The following CTNNA2 variants were observed in gnomAD, a reference collection of about 807,000 sequenced individuals.
The protein encoded by CTNNA2 is catenin alpha 2.
A neutral mutation model predicts 101.0 loss-of-function variants in CTNNA2; 42 were observed. That is an observed-to-expected ratio of 0.42 (90% confidence interval 0.32 to 0.54). The LOEUF is 0.54. Among genes scored for constraint, CTNNA2 ranks in the 20% least tolerant of loss-of-function variants. The pLI is 0.14. For missense variants in CTNNA2, 871 were observed against 1,223.1 expected (o/e 0.71, Z 4.29); for synonymous variants, 450 against 456.4 (o/e 0.99, Z 0.18).
intron 11 of CTNNA2, among the ~76,000 whole-genome samples, chr2:80,549,860 CT>C (rs1692417368): frequency 6.6e-6 from 1 of 152,138 alleles, no homozygotes; most frequent in Non-Finnish European, 1.5e-5. Context: ...TGTATTCTGC[CT>C]TTAAATAATT....
At chr2:79,262,946 G>C (rs1352296014) in intron 2 of CTNNA2, among the ~76,000 whole-genome samples, 1 of 152,112 alleles carries the variant, frequency 6.6e-6, no homozygotes, top group Non-Finnish European at 1.5e-5. Context: ...AAACACTTCA[G>C]GAGTTAGAGA....
chr2:80,240,355 T>A (rs1433275480), intron 7 of CTNNA2, among the ~76,000 whole-genome samples: 3 of 152,322 alleles, frequency 2.0e-5, no homozygotes, highest in African/African-American at 7.2e-5. Context: ...TCTATGGTGT[T>A]AATGCTAGTA....
At chr2:80,022,088 G>T (rs1694604007) in intron 7 of CTNNA2, among the ~76,000 whole-genome samples, 1 of 152,164 alleles carries the variant, frequency 6.6e-6, no homozygotes, top group South Asian at 2.1e-4. Context: ...TTGATAAAAT[G>T]GGAATTTTCA....
intron 3 of CTNNA2, 116 bp from the exon 4 acceptor site, chr2:79,857,897 C>T (rs1681265271): frequency 1.8e-6 from 2 of 1,110,266 alleles, no homozygotes; most frequent in South Asian, 1.5e-5. Flanking sequence ...GCAGAAATAC[C>T]ACCTGGTCAT....
At chr2:80,154,213 T>TG (rs1703871432) in intron 7 of CTNNA2, among the ~76,000 whole-genome samples, 2 of 152,186 alleles carry the variant, frequency 1.3e-5, no homozygotes, top group Non-Finnish European at 2.9e-5. Flanking sequence ...AGAAGGCTCA[T>TG]GGCTTTTTGG....
intron 4 of CTNNA2, among the ~76,000 whole-genome samples, chr2:79,464,527 T>C (rs1325066219): frequency 2.0e-5 from 3 of 152,178 alleles, no homozygotes; most frequent in Non-Finnish European, 4.4e-5. Flanking sequence ...TCAAATGGTA[T>C]TTCTAGTTCT....
chr2:80,251,851 A>G (rs1435462828), intron 7 of CTNNA2, among the ~76,000 whole-genome samples: 1 of 152,208 alleles, frequency 6.6e-6, no homozygotes, highest in African/African-American at 2.4e-5. Flanking sequence ...AGTCTAGCCA[A>G]CTTTTACCAG....
At chr2:79,417,139 C>T (rs12617491) in intron 4 of CTNNA2, among the ~76,000 whole-genome samples, 45,312 of 151,706 alleles carry the variant, frequency 0.3, 6,904 homozygotes, top group South Asian at 0.44. Flanking sequence ...CACAAAATAC[C>T]GAAAGGGAAT....
At chr2:80,491,195 T>C (rs923049050) in intron 9 of CTNNA2, among the ~76,000 whole-genome samples, 1 of 152,160 alleles carries the variant, frequency 6.6e-6, no homozygotes, top group Non-Finnish European at 1.5e-5. Flanking sequence ...GCAAACTGAT[T>C]GTTTATCAGT....
intron 7 of CTNNA2, among the ~76,000 whole-genome samples, chr2:80,223,241 CT>C (rs1367712074): frequency 6.6e-6 from 1 of 152,150 alleles, no homozygotes; most frequent in African/African-American, 2.4e-5. Context: ...ATGAAGAATA[CT>C]TGTTTTCCAG....
chr2:80,310,166 G>C (rs1677422773), intron 7 of CTNNA2, among the ~76,000 whole-genome samples: 2 of 152,172 alleles, frequency 1.3e-5, no homozygotes, highest in South Asian at 4.1e-4. Flanking sequence ...TAAAGGGACA[G>C]AAATGTTAAG....
chr2:79,394,229 A>G (rs962875504), intron 4 of CTNNA2, among the ~76,000 whole-genome samples: 1 of 151,928 alleles, frequency 6.6e-6, no homozygotes, highest in Non-Finnish European at 1.5e-5. Context: ...TTTCTCTCTG[A>G]CAATCACTGA....
chr2:80,212,150 A>T (rs1437347065), intron 7 of CTNNA2, among the ~76,000 whole-genome samples: 2 of 152,202 alleles, frequency 1.3e-5, no homozygotes, highest in Non-Finnish European at 2.9e-5. Context: ...ATATACAATC[A>T]TGTCATCTAC....
chr2:80,619,224 C>T lies in CTNNA2; in HGVS notation c.2570C>T (p.Ser857Phe), dbSNP rs759061510. The change falls in exon 18 of 19, where the codon TCC (serine) becomes TTC (phenylalanine). Residue 857 changes from serine to phenylalanine, a missense_variant. Ser to Phe is a radical substitution (Grantham distance 155). Around this residue, in one of 5 missense-constraint regions of CTNNA2, gnomAD observed 65 missense variants for 53.3 expected, o/e 1.22. Transcript: ENST00000402739. The stretch of plus-strand genomic sequence containing the variant: ...ATCGGGAGTGGAAGCAGTGATTCCT[C>T]CATGGTGAGTAAATTGACTTTCTAA... ...APIGSGSSDS[S>F]MLDSATSLIQ... 118 of 1,560,350 alleles carry T rather than the reference C, an allele frequency of 7.6e-5. No individual in the cohort carries two copies. Among genetic ancestry groups the T allele is most frequent in the Non-Finnish European group, 1.0e-4 (115 of 1,154,286 alleles).
At chr2:79,932,390 A>G (rs1309608458) in intron 7 of CTNNA2, among the ~76,000 whole-genome samples, 3 of 152,144 alleles carry the variant, frequency 2.0e-5, no homozygotes, top group Admixed American at 6.5e-5. Flanking sequence ...ATTTGAGAGT[A>G]TGTGAAATCA....
Position 79,237,127 on chromosome 2 carries a change from T to A in CTNNA2, c.-406+39051T>A, listed in dbSNP as rs183938146. Among the ~76,000 whole-genome samples the A allele has an allele frequency of 4.6e-5, 7 of 152,340 alleles. No homozygotes were observed. The East Asian group carries it at 1.2e-3, about 25-fold the overall frequency. The stretch of plus-strand genomic sequence containing the variant: ...CTTATGAAATGTATTTTTTAAATAG[T>A]CAGACCTGAAAGTCAAAATTAACTC... On this transcript the variant is annotated intron_variant, in intron 2 of 21. Coordinates refer to the CTNNA2 transcript ENST00000466387.
At chr2:79,693,733 T>C (rs1252029209) in intron 2 of CTNNA2, among the ~76,000 whole-genome samples, 1 of 151,854 alleles carries the variant, frequency 6.6e-6, no homozygotes, top group Non-Finnish European at 1.5e-5. Context: ...GCAGAGGTGA[T>C]AATAGGGTAT....
chr2:80,211,398 G>A (rs1203776849), intron 7 of CTNNA2, among the ~76,000 whole-genome samples: 3 of 152,098 alleles, frequency 2.0e-5, no homozygotes, highest in East Asian at 1.9e-4. Flanking sequence ...TTTGTATAAG[G>A]TATAAGAAAG....
chr2:80,220,959 G>A (rs1208316559), intron 7 of CTNNA2, among the ~76,000 whole-genome samples: 5 of 152,140 alleles, frequency 3.3e-5, no homozygotes, highest in Non-Finnish European at 5.9e-5. Context: ...TCGGCTCACT[G>A]CAGCCTCCAC....
Sources: allele counts gnomAD v4.1 joint callset (sites outside exome capture counted in the v4.1 genomes callset), GRCh38; gene constraint gnomAD v4.1.1; regional missense constraint gnomAD v4.1.1; transcripts MANE v1.5; gene names NCBI Gene and HGNC (gene_info 2026-07-23, HGNC 2026-07-21).